The following ADAMTS12 variants were observed in gnomAD, a reference collection of about 807,000 sequenced individuals.
ADAMTS12 encodes the protein A disintegrin and metalloproteinase with thrombospondin motifs 12.
ADAMTS12 carries 118 observed loss-of-function variants against 167.8 expected under a neutral mutation model. The ratio of observed to expected loss-of-function variants is 0.70; its 90% confidence interval spans 0.61 to 0.82. The LOEUF is 0.82. Ranked by LOEUF, ADAMTS12 falls within the 40% of genes least tolerant of loss-of-function variation. ADAMTS12 has a pLI of 0.00. For synonymous variants in ADAMTS12, 704 were observed against 716.9 expected (o/e 0.98, Z 0.29); for missense variants, 1,916 against 1,998.8 (o/e 0.96, Z 0.79).
intron 3 of ADAMTS12, among the ~76,000 whole-genome samples, chr5:33,741,444 C>T (rs1214742699): frequency 6.6e-6 from 1 of 152,066 alleles, no homozygotes; most frequent in East Asian, 1.9e-4. Context: ...ACTATAATGA[C>T]CTTATTTTAA....
At chr5:33,816,151 T>C (rs1307577898) in intron 2 of ADAMTS12, among the ~76,000 whole-genome samples, 2 of 151,440 alleles carry the variant, frequency 1.3e-5, no homozygotes, top group African/African-American at 4.9e-5. Flanking sequence ...CTTCTGATTA[T>C]ATTTTCCTCA....
chr5:33,563,876 A>G (rs1745867959), intron 19 of ADAMTS12, among the ~76,000 whole-genome samples: 1 of 152,190 alleles, frequency 6.6e-6, no homozygotes, highest in Admixed American at 6.5e-5. Flanking sequence ...CCTAAGTCAT[A>G]TAAGTTGGGC....
intron 9 of ADAMTS12, 132 bp from the exon 10 acceptor site, chr5:33,643,602 A>G: frequency 1.3e-6 from 1 of 757,688 alleles, no homozygotes; most frequent in Non-Finnish European, 2.2e-6. Flanking sequence ...TAAGAGTGAC[A>G]GAAAGCAATC....
Position 33,549,202 on chromosome 5 carries a change from C to G in ADAMTS12, c.4302+5G>C. ...AGGACATCTCTCCCTTTGTGGGGGA[C>G]CTACCTGGCTCCAAGGCTCCACCTG... On this transcript the variant is annotated splice_donor_5th_base_variant and intron_variant, in intron 21 of 23. Coordinates refer to ENST00000504830, the MANE Select transcript of ADAMTS12 (RefSeq NM_030955.4). The G allele has an allele frequency of 6.2e-7, 1 of 1,611,768 alleles. No homozygotes were observed. Among genetic ancestry groups the G allele is most frequent in the Non-Finnish European group, 8.5e-7 (1 of 1,178,194 alleles).
chr5:33,527,506 G>A (rs1414527565), intron 23 of ADAMTS12, 140 bp from the exon 24 acceptor site: 1 of 801,526 alleles, frequency 1.2e-6, no homozygotes, highest in East Asian at 2.7e-5. Context: ...GGTATCTACT[G>A]AATGTTTATT....
At chr5:33,643,310 T>G (rs1579791073) in intron 10 of ADAMTS12, 68 bp downstream of exon 10, 1 of 1,533,338 alleles carries the variant, frequency 6.5e-7, no homozygotes, top group East Asian at 2.3e-5. Context: ...TCTAGGGCCT[T>G]CTCCTCAGCT....
At chr5:33,694,114 T>C (rs900666294) in intron 3 of ADAMTS12, among the ~76,000 whole-genome samples, 13 of 152,192 alleles carry the variant, frequency 8.5e-5, no homozygotes, top group African/African-American at 3.1e-4. Context: ...GAAAGATCTC[T>C]ACAACAAGAA....
intron 2 of ADAMTS12, among the ~76,000 whole-genome samples, chr5:33,856,236 T>C (rs546390345): frequency 6.6e-6 from 1 of 152,100 alleles, no homozygotes; most frequent in Non-Finnish European, 1.5e-5. Flanking sequence ...TACACACACA[T>C]CCCCCGCAAA....
At chr5:33,679,828 A>G (rs1008220682) in intron 5 of ADAMTS12, among the ~76,000 whole-genome samples, 1 of 152,210 alleles carries the variant, frequency 6.6e-6, no homozygotes, top group Non-Finnish European at 1.5e-5. Flanking sequence ...TTCTCATTAC[A>G]AATTAAGAAA....
chr5:33,888,054 T>C (rs1287889059), intron 1 of ADAMTS12: 1 of 152,340 alleles, frequency 6.6e-6, no homozygotes, highest in East Asian at 1.9e-4. Context: ...TATTCTTTTT[T>C]CTTTTTAATG....
intron 3 of ADAMTS12, among the ~76,000 whole-genome samples, chr5:33,702,433 A>G (rs868163226): frequency 2.6e-5 from 4 of 152,206 alleles, no homozygotes; most frequent in Admixed American, 2.6e-4. Context: ...ACTTTCCATC[A>G]TCTCCTGTGT....
Position 33,615,972 on chromosome 5 carries a change from A to G in ADAMTS12, c.2244T>C (p.Pro748=). 1.2e-6 allele frequency: 2 copies of G among 1,614,148 alleles called. No individual in the cohort carries two copies. The highest frequency in any genetic ancestry group is 1.7e-6 in the Non-Finnish European group (2 of 1,180,010). Residue 748 remains proline (P), a synonymous_variant, in exon 15 of 24, where the codon CCT becomes CCC. Coordinates refer to ENST00000504830, the MANE Select transcript of ADAMTS12 (RefSeq NM_030955.4). The part of the protein sequence containing the change: ...GNFLAIRSED[P]EKYYLNGGFI... The stretch of plus-strand genomic sequence containing the variant: ...ACCCTCCATTCAGGTAATATTTTTC[A>G]GGATCTTCACTCCTGATGGCCAGGA...
intron 9 of ADAMTS12, among the ~76,000 whole-genome samples, chr5:33,646,639 A>G (rs1452501711): frequency 1.3e-5 from 2 of 152,222 alleles, no homozygotes; most frequent in African/African-American, 4.8e-5. Flanking sequence ...AGAATGTGCC[A>G]GCCATCTGAA....
intron 2 of ADAMTS12, among the ~76,000 whole-genome samples, chr5:33,859,959 G>A (rs1749542656): frequency 6.6e-6 from 1 of 152,172 alleles, no homozygotes; most frequent in South Asian, 2.1e-4. Flanking sequence ...CAAAGGAATA[G>A]CATCAACATC....
chr5:33,581,199 G>A lies in ADAMTS12; in HGVS notation c.2866-4039C>T, dbSNP rs560141088. 5.3e-5 allele frequency among the ~76,000 whole-genome samples: 8 copies of A among 152,152 alleles called. No homozygotes were observed. In the South Asian group the frequency reaches 6.2e-4, roughly 12 times the overall value. On this transcript the variant is annotated intron_variant, in intron 18 of 23. Transcript: ENST00000504830. Reference sequence around the variant, plus strand: ...AGATGAGATAAATGCAGTACACAACGCCACACTCCAAACCTATCTCAATTG... The same window carrying A: ...AGATGAGATAAATGCAGTACACAACACCACACTCCAAACCTATCTCAATTG...
intron 2 of ADAMTS12, among the ~76,000 whole-genome samples, chr5:33,790,696 C>T (rs567750579): frequency 1.4e-4 from 21 of 150,482 alleles, no homozygotes; most frequent in Admixed American, 4.0e-4. Flanking sequence ...TGTACACACA[C>T]GCACATGTGT....
intron 5 of ADAMTS12, among the ~76,000 whole-genome samples, chr5:33,672,803 G>A (rs1044198696): frequency 6.6e-6 from 1 of 152,140 alleles, no homozygotes; most frequent in Non-Finnish European, 1.5e-5. Context: ...TGCCTCCAAT[G>A]TTTTCATCAT....
At chr5:33,566,740 C>G (rs1746034965) in intron 19 of ADAMTS12, among the ~76,000 whole-genome samples, 1 of 152,080 alleles carries the variant, frequency 6.6e-6, no homozygotes, top group South Asian at 2.1e-4. Flanking sequence ...TTTTCTTCTT[C>G]TGGGCACATA....
chr5:33,616,834 T>C (rs930435120), intron 14 of ADAMTS12, among the ~76,000 whole-genome samples: 16 of 152,254 alleles, frequency 1.1e-4, no homozygotes, highest in African/African-American at 3.4e-4. Context: ...TTATTATTCC[T>C]GTTTAATGGT....
Sources: gnomAD v4.1 joint callset for allele counts (sites outside exome capture counted in the v4.1 genomes callset) on GRCh38, gnomAD v4.1.1 for gene constraint, MANE v1.5 for transcripts, NCBI Gene and HGNC (gene_info 2026-07-23, HGNC 2026-07-21) for gene names.